The following C12orf42 variants were observed in gnomAD, a reference collection of about 807,000 sequenced individuals.
C12orf42 encodes the protein uncharacterized protein C12orf42.
A neutral mutation model predicts 21.6 loss-of-function variants in C12orf42; 25 were observed. The ratio of observed to expected loss-of-function variants is 1.16; its 90% CI spans 0.84 to 1.62. The LOEUF is 1.62. Among genes scored for constraint, C12orf42 ranks in the 40% most tolerant of loss-of-function variants. C12orf42 has a pLI of 0.00. For synonymous variants in C12orf42, 174 were observed against 175.0 expected, an observed-to-expected ratio of 0.99 and a Z score of 0.05; for missense variants, 483 against 459.3, an observed-to-expected ratio of 1.05 and a Z score of -0.47.
intron 4 of C12orf42, among the ~76,000 whole-genome samples, chr12:103,287,859 T>G (rs2036574250): frequency 6.6e-6 from 1 of 151,378 alleles, no homozygotes; most frequent in Admixed American, 6.6e-5. Context: ...GTCACTGGAG[T>G]GAAAGTTTTG....
intron 3 of C12orf42, among the ~76,000 whole-genome samples, chr12:103,382,330 G>C (rs1480205550): frequency 1.3e-5 from 2 of 152,152 alleles, no homozygotes; most frequent in African/African-American, 4.8e-5. Flanking sequence ...CAGCATTGTA[G>C]AACCATGTTA....
the C12orf42 span, among the ~76,000 whole-genome samples, chr12:103,077,949 T>A: frequency 6.6e-6 from 1 of 152,104 alleles, no homozygotes; most frequent in Non-Finnish European, 1.5e-5. Flanking sequence ...GGCAGCAAAT[T>A]AAAATTTAAT....
At chr12:103,223,850 C>T in the C12orf42 span, among the ~76,000 whole-genome samples, 1,004 of 152,264 alleles carry the variant, frequency 6.6e-3, 12 homozygotes, top group African/African-American at 0.023. Context: ...AAAGTAGTGT[C>T]CAGTCCTTTT....
chr12:103,434,694 G>T (rs1018553514), intron 2 of C12orf42, among the ~76,000 whole-genome samples: 1 of 152,180 alleles, frequency 6.6e-6, no homozygotes, highest in South Asian at 2.1e-4. Flanking sequence ...TTTTCGGACC[G>T]GCTTAAAAAA....
At chr12:103,290,124 C>G (rs2036702761) in intron 4 of C12orf42, among the ~76,000 whole-genome samples, 1 of 152,152 alleles carries the variant, frequency 6.6e-6, no homozygotes, top group South Asian at 2.1e-4. Flanking sequence ...ATATGCATAT[C>G]AGCATCCTAA....
chr12:103,226,269 T>A, the C12orf42 span, among the ~76,000 whole-genome samples: 10 of 152,062 alleles, frequency 6.6e-5, no homozygotes, highest in Admixed American at 4.6e-4. Flanking sequence ...ATTGCAACTT[T>A]TTTCTGTTAT....
At chr12:103,274,906 T>A (rs2035676234) in intron 5 of C12orf42, among the ~76,000 whole-genome samples, 2 of 152,198 alleles carry the variant, frequency 1.3e-5, no homozygotes, top group African/African-American at 4.8e-5. Context: ...TATGCCAGAA[T>A]TGAATTATCT....
chr12:103,562,183 C>T, the C12orf42 span, among the ~76,000 whole-genome samples: 1 of 152,136 alleles, frequency 6.6e-6, no homozygotes, highest in Non-Finnish European at 1.5e-5. Flanking sequence ...GGTCTCACAC[C>T]TTTCAAACTC....
chr12:103,146,551 TAAAGAAAGAAAAGAAAGAAAGAAAG>T, the C12orf42 span, among the ~76,000 whole-genome samples: 831 of 39,372 alleles, frequency 0.021, 9 homozygotes, highest in African/African-American at 0.075. Context: ...GAAAGAGAAA[TAAAGAAAGAAAAGAAAGAAAGAAAG>T]AAAGAAAGAA....
chr12:103,540,613 G>T, the C12orf42 span, among the ~76,000 whole-genome samples: 1,004 of 152,278 alleles, frequency 6.6e-3, 4 homozygotes, highest in Non-Finnish European at 0.012. Flanking sequence ...TGCAACCGCA[G>T]CTTTCCTGTG....
chr12:103,295,118 A>G lies in C12orf42; in HGVS notation n.338-17908T>C, dbSNP rs567131080. Reference sequence around the variant, plus strand: ...CATAATCTCATTCTTTTTTATGGCTATGTATTACTCCATAGTAAAGGGTTG... The same window carrying G: ...CATAATCTCATTCTTTTTTATGGCTGTGTATTACTCCATAGTAAAGGGTTG... On this transcript the variant is annotated intron_variant and non_coding_transcript_variant, in intron 4 of 6. Coordinates refer to the C12orf42 transcript ENST00000546526. Among the ~76,000 whole-genome samples, 3 of 152,246 alleles carry G rather than the reference A, an allele frequency of 2.0e-5. No individual in the cohort carries two copies. The East Asian group carries it at 5.8e-4, about 29-fold the overall frequency.
chr12:103,538,272 C>A, the C12orf42 span, among the ~76,000 whole-genome samples: 1 of 152,112 alleles, frequency 6.6e-6, no homozygotes, highest in Non-Finnish European at 1.5e-5. Flanking sequence ...AAAATGGAAT[C>A]CAGAAAGGTT....
At chr12:103,328,916 T>C (rs2040955116) in intron 4 of C12orf42, among the ~76,000 whole-genome samples, 2 of 152,226 alleles carry the variant, frequency 1.3e-5, no homozygotes, top group African/African-American at 2.4e-5. Flanking sequence ...ATTGAGCCCT[T>C]ACTCTATTCC....
At chr12:103,286,990 AAAAC>A (rs1439845077) in intron 4 of C12orf42, among the ~76,000 whole-genome samples, 1 of 152,028 alleles carries the variant, frequency 6.6e-6, no homozygotes, top group East Asian at 1.9e-4. Context: ...AATGCAAATC[AAAAC>A]CACAATGAGA....
the C12orf42 span, among the ~76,000 whole-genome samples, chr12:103,122,786 T>C: frequency 6.6e-6 from 1 of 152,206 alleles, no homozygotes; most frequent in East Asian, 1.9e-4. Context: ...CAGATCAATA[T>C]AGGGACTTTG....
the C12orf42 span, chr12:103,548,029 T>C: frequency 6.6e-6 from 1 of 152,218 alleles, no homozygotes; most frequent in African/African-American, 2.4e-5. Context: ...ACAGTTTATA[T>C]GTATTTTTAC....
chr12:103,179,945 G>C, the C12orf42 span, among the ~76,000 whole-genome samples: 1 of 152,110 alleles, frequency 6.6e-6, no homozygotes, highest in South Asian at 2.1e-4. Context: ...TGTTGACCAA[G>C]AGAGGGCCTC....
intron 5 of C12orf42, among the ~76,000 whole-genome samples, chr12:103,272,087 A>G (rs1258142991): frequency 2.6e-5 from 4 of 152,154 alleles, no homozygotes; most frequent in African/African-American, 7.2e-5. Context: ...TGCTGTGCCT[A>G]TAGATCTAAG....
chr12:103,286,286 A>AAATG (rs1437206269), intron 4 of C12orf42, among the ~76,000 whole-genome samples: 4 of 150,520 alleles, frequency 2.7e-5, no homozygotes, highest in African/African-American at 9.7e-5. Flanking sequence ...ATAAATAAAT[A>AAATG]AATAAATAAA....
Sources: allele counts gnomAD v4.1 joint callset (sites outside exome capture counted in the v4.1 genomes callset), GRCh38; gene constraint gnomAD v4.1.1; transcripts MANE v1.5; gene names NCBI Gene and HGNC (gene_info 2026-07-23, HGNC 2026-07-21).